PTPRD: variants seen among roughly 807,000 people sequenced by gnomAD.
The protein encoded by PTPRD is protein tyrosine phosphatase receptor type D, also known as receptor-type tyrosine-protein phosphatase delta.
PTPRD carries 34 observed loss-of-function variants against 214.5 expected under a neutral mutation model. The ratio of observed to expected loss-of-function variants is 0.16; its 90% confidence interval spans 0.12 to 0.21. The LOEUF (loss-of-function observed/expected upper bound fraction) is 0.21. PTPRD is among the 10% of genes least tolerant of loss of function. The pLI, the probability that PTPRD is intolerant of heterozygous loss-of-function variation, is 1.00. For synonymous variants in PTPRD, 1,128 were observed against 845.7 expected, an observed-to-expected ratio of 1.33 and a Z score of -5.79; for missense variants, 2,545 against 2,398.7, an observed-to-expected ratio of 1.06 and a Z score of -1.27.
intron 3 of PTPRD, among the ~76,000 whole-genome samples, chr9:10,060,001 C>T (rs979852832): frequency 1.3e-5 from 2 of 152,018 alleles, no homozygotes; most frequent in African/African-American, 4.8e-5. Flanking sequence ...TTAGTGTTGA[C>T]TATCAACCAA....
intron 12 of PTPRD, among the ~76,000 whole-genome samples, chr9:8,661,328 C>A (rs1052583371): frequency 1.3e-5 from 2 of 151,912 alleles, no homozygotes; most frequent in African/African-American, 4.8e-5. Context: ...ATTGCATTGT[C>A]AAGTATTCAA....
chr9:8,811,265 C>T (rs1452184139), intron 11 of PTPRD, among the ~76,000 whole-genome samples: 1 of 152,100 alleles, frequency 6.6e-6, no homozygotes, highest in South Asian at 2.1e-4. Context: ...CAATCCTTTA[C>T]AGTAAAGCTC....
At chr9:8,848,466 G>A (rs2097750521) in intron 11 of PTPRD, among the ~76,000 whole-genome samples, 1 of 150,050 alleles carries the variant, frequency 6.7e-6, no homozygotes, top group Admixed American at 6.6e-5. Flanking sequence ...TTCCCAAGTA[G>A]CTGAGACCAC....
rs999228420 is a variant in PTPRD, at chr9:8,504,254, C to T, written c.1822+7G>A. On this transcript the variant is annotated splice_region_variant and intron_variant, in intron 23 of 45. Coordinates refer to ENST00000381196, the MANE Select transcript of PTPRD (RefSeq NM_002839.4). The stretch of plus-strand genomic sequence containing the variant: ...AAGGCAGAAAGTAAGCAAAGAGAGA[C>T]ACCTACTTGACTGCATGGTTCTAGC... 1.8e-5 allele frequency: 29 copies of T among 1,613,782 alleles called. No homozygotes were observed. Among genetic ancestry groups the T allele is most frequent in the Non-Finnish European group, 2.3e-5 (27 of 1,179,936 alleles).
chr9:9,853,480 G>T (rs926305515), intron 5 of PTPRD, among the ~76,000 whole-genome samples: 2 of 152,036 alleles, frequency 1.3e-5, no homozygotes, highest in African/African-American at 4.8e-5. Flanking sequence ...ACAGTGATTC[G>T]GTTCTTAGTG....
intron 2 of PTPRD, among the ~76,000 whole-genome samples, chr9:10,596,181 G>C (rs112244103): frequency 6.6e-6 from 1 of 151,664 alleles, no homozygotes; most frequent in Admixed American, 6.6e-5. Flanking sequence ...ACTGTCTCAC[G>C]TTCAGTAATC....
chr9:9,701,053 A>C (rs926928000), intron 7 of PTPRD, among the ~76,000 whole-genome samples: 2 of 152,072 alleles, frequency 1.3e-5, no homozygotes, highest in Non-Finnish European at 2.9e-5. Context: ...AAAAAAAAAA[A>C]AATTGAATAG....
At chr9:9,283,320 A>T (rs1948383586) in intron 9 of PTPRD, among the ~76,000 whole-genome samples, 2 of 151,498 alleles carry the variant, frequency 1.3e-5, no homozygotes, top group Non-Finnish European at 3.0e-5. Flanking sequence ...ACCCACATTC[A>T]GAATTAATTA....
chr9:9,638,906 G>A (rs186908927), intron 7 of PTPRD, among the ~76,000 whole-genome samples: 33 of 152,152 alleles, frequency 2.2e-4, no homozygotes, highest in African/African-American at 7.7e-4. Context: ...TCTTCACAGA[G>A]CAGAAGGTGA....
chr9:9,316,889 A>C (rs770460651), intron 9 of PTPRD, among the ~76,000 whole-genome samples: 2 of 152,128 alleles, frequency 1.3e-5, no homozygotes, highest in Non-Finnish European at 2.9e-5. Flanking sequence ...CTCTTCACTG[A>C]GAATATTGAG....
In PTPRD at chr9:9,785,796, G is replaced by C. The variant is rs1597754247; in HGVS notation, c.-367-18945C>G. Among the ~76,000 whole-genome samples the C allele has an allele frequency of 3.3e-5, 5 of 152,154 alleles. No homozygotes were observed. The South Asian group carries it at 6.2e-4, about 19-fold the overall frequency. On this transcript the variant is annotated intron_variant, in intron 5 of 45. Transcript: ENST00000381196. ...TACAAATAAATTTTACAATGGCTAT[G>C]TCAGTTGTTAACATTAGGGGAAGCT...
intron 11 of PTPRD, among the ~76,000 whole-genome samples, chr9:8,800,917 T>G (rs1316450473): frequency 6.6e-6 from 1 of 152,176 alleles, no homozygotes; most frequent in Admixed American, 6.5e-5. Context: ...TGAATGATAT[T>G]ATAAATGTAG....
At chr9:9,884,042 T>A (rs1252663582) in intron 5 of PTPRD, among the ~76,000 whole-genome samples, 1 of 152,114 alleles carries the variant, frequency 6.6e-6, no homozygotes, top group African/African-American at 2.4e-5. Flanking sequence ...ATATACATTA[T>A]CTAAGACTTA....
At chr9:9,177,588 T>C (rs1037252668) in intron 10 of PTPRD, among the ~76,000 whole-genome samples, 5 of 152,284 alleles carry the variant, frequency 3.3e-5, no homozygotes, top group African/African-American at 1.2e-4. Flanking sequence ...AAAATGATTA[T>C]GTCTAATGCT....
intron 5 of PTPRD, among the ~76,000 whole-genome samples, chr9:9,864,728 A>C (rs1210937167): frequency 6.6e-6 from 1 of 152,060 alleles, no homozygotes; most frequent in Non-Finnish European, 1.5e-5. Flanking sequence ...TTTGTTGCCT[A>C]GGCTTGAACT....
At chr9:8,395,868 C>T (rs566338650) in intron 36 of PTPRD, among the ~76,000 whole-genome samples, 1 of 152,130 alleles carries the variant, frequency 6.6e-6, no homozygotes, top group East Asian at 1.9e-4. Context: ...ATTGCAAGAT[C>T]AGCAACATGA....
chr9:8,480,287 C>T (rs1253604439), intron 30 of PTPRD, among the ~76,000 whole-genome samples: 3 of 152,166 alleles, frequency 2.0e-5, no homozygotes, highest in African/African-American at 7.2e-5. Flanking sequence ...ACTCCCACTC[C>T]CATGGCCCAG....
At chr9:9,952,124 C>T (rs1195587356) in intron 4 of PTPRD, among the ~76,000 whole-genome samples, 1 of 152,100 alleles carries the variant, frequency 6.6e-6, no homozygotes, top group African/African-American at 2.4e-5. Flanking sequence ...AACTCACCAC[C>T]TGAAAGTTAT....
chr9:10,363,115 T>G lies in PTPRD; in HGVS notation c.-599-22098A>C, dbSNP rs12351188. Among the ~76,000 whole-genome samples, 798 of 152,340 alleles carry G rather than the reference T, an allele frequency of 5.2e-3. 2 individuals carry two copies. Among genetic ancestry groups the G allele is most frequent in the Non-Finnish European group, 8.5e-3 (577 of 68,042 alleles). ...CTATTATCTATCTGTTGCTAATCTCTAGATTTTCTGATTTATTTTTTCTCA... is the reference window on the plus strand; with the variant it reads ...CTATTATCTATCTGTTGCTAATCTCGAGATTTTCTGATTTATTTTTTCTCA... On this transcript the variant is annotated intron_variant, in intron 2 of 45. Coordinates refer to ENST00000381196, the MANE Select transcript of PTPRD (RefSeq NM_002839.4).
Sources: gnomAD v4.1 joint callset for allele counts (sites outside exome capture counted in the v4.1 genomes callset) on GRCh38, gnomAD v4.1.1 for gene constraint, MANE v1.5 for transcripts, NCBI Gene and HGNC (gene_info 2026-07-23, HGNC 2026-07-21) for gene names.